The following PEDS1 variants were observed in gnomAD, a reference collection of about 807,000 sequenced individuals.
PEDS1 encodes plasmanylethanolamine desaturase 1.
In PEDS1, 14 loss-of-function variants were observed where a neutral mutation model predicts 35.2. That is an observed-to-expected ratio of 0.40 (90% CI 0.26 to 0.62). The LOEUF (loss-of-function observed/expected upper bound fraction) is 0.62. PEDS1 is among the 20% of genes least tolerant of loss of function. The probability of loss-of-function intolerance (pLI) is 0.44; values close to 1 mark genes in which losing one functional copy is unlikely to be tolerated. For missense variants in PEDS1, 260 were observed against 367.8 expected (o/e 0.71, Z 2.40); for synonymous variants, 152 against 152.0 (o/e 1.00, Z 0.00).
intron 5 of PEDS1, among the ~76,000 whole-genome samples, chr20:50,125,549 T>TATCTATCTATCC (rs1244531394): frequency 7.4e-4 from 12 of 16,234 alleles, no homozygotes; most frequent in African/African-American, 1.7e-3. Context: ...ACCCTTTATC[T>TATCTATCTATCC]ATCTATCTAT....
At chr20:50,146,324 T>C (rs2081345110) in intron 1 of PEDS1, among the ~76,000 whole-genome samples, 5 of 152,118 alleles carry the variant, frequency 3.3e-5, no homozygotes, top group South Asian at 2.1e-4. Flanking sequence ...ACGAGGCCCA[T>C]TGCTCATGCC....
At chr20:50,144,932 GTGGCTCACACCTGTAATCCCAGCACTT>G (rs1420748581) in intron 1 of PEDS1, among the ~76,000 whole-genome samples, 12 of 152,132 alleles carry the variant, frequency 7.9e-5, no homozygotes, top group Non-Finnish European at 1.6e-4. Context: ...GCCATGCATG[GTGGCTCACACCTGTAATCCCAGCACTT>G]TGGGAGGCCG....
At chr20:50,133,643 C>T in intron 2 of PEDS1, among the ~76,000 whole-genome samples, 1 of 152,182 alleles carries the variant, frequency 6.6e-6, no homozygotes, top group Non-Finnish European at 1.5e-5. Context: ...CACAGCACCC[C>T]ACCCCCACTC....
At chr20:50,133,460 G>C (rs770819689) in intron 2 of PEDS1, among the ~76,000 whole-genome samples, 1 of 152,140 alleles carries the variant, frequency 6.6e-6, no homozygotes, top group Non-Finnish European at 1.5e-5. Context: ...AGGTAAAGGG[G>C]TTGGGACTCA....
Position 50,130,156 on chromosome 20 carries a change from A to G in PEDS1, c.334-466T>C, listed in dbSNP as rs1028368088. On this transcript the variant is annotated intron_variant, in intron 3 of 5. Coordinates refer to ENST00000371652, the MANE Select transcript of PEDS1 (RefSeq NM_199129.4). ...GTGACCAGGCCTGGCCAATCATAGC[A>G]TCTCCTCCCTCTAGCCAGTGACTGC... 9.9e-5 allele frequency among the ~76,000 whole-genome samples: 15 copies of G among 152,142 alleles called. No homozygotes were observed. The Middle Eastern group carries it at 0.01, about 103-fold the overall frequency.
intron 2 of PEDS1, among the ~76,000 whole-genome samples, chr20:50,132,351 G>A (rs1220897995): frequency 1.3e-5 from 2 of 152,120 alleles, no homozygotes; most frequent in Non-Finnish European, 2.9e-5. Context: ...TATAGAGGTG[G>A]AAACTGAGGC....
Position 50,118,551 on chromosome 20 carries a change from T to C in PEDS1, c.*6507A>G, listed in dbSNP as rs2081023466. The C allele has an allele frequency of 6.6e-6, 1 of 151,892 alleles. No individual in the cohort carries two copies. Among genetic ancestry groups the C allele is most frequent in the African/African-American group, 2.4e-5 (1 of 41,386 alleles). The allele number at this position is 151,892 out of a possible 1,614,324, so 9.4% of individuals were successfully genotyped here. On this transcript the variant is annotated 3_prime_UTR_variant, in exon 6 of 6. Coordinates refer to ENST00000371652, the MANE Select transcript of PEDS1 (RefSeq NM_199129.4). The stretch of plus-strand genomic sequence containing the variant: ...GAGGAAATGCAAATGCATTTTAAAC[T>C]CACAGTAAGATACCCAATCTCACAA...
In PEDS1 at chr20:50,143,604, A is replaced by T. The variant is rs1601228523; in HGVS notation, c.139T>A (p.Trp47Arg). ...CTGAAGCACAGGATCACAGAGCACC[A>T]CTCCTGGAGGCGCTTGCCTGCAGGG... Reference protein sequence around the residue: ...LYSPGKRLQEWCSVILCFSLI... With the variant: ...LYSPGKRLQERCSVILCFSLI... Residue 47 changes from tryptophan to arginine, a missense_variant, in exon 2 of 6, where the codon TGG (tryptophan) becomes AGG (arginine). By Grantham distance (101) the Trp-to-Arg change is moderately radical. This residue lies in a region of PEDS1 where 114 missense variants were observed against 121.6 expected (regional missense o/e 0.94). Coordinates refer to ENST00000371652, the MANE Select transcript of PEDS1 (RefSeq NM_199129.4). 1 of 1,613,190 alleles carries T rather than the reference A, an allele frequency of 6.2e-7. No individual in the cohort carries two copies. Among genetic ancestry groups the T allele is most frequent in the Non-Finnish European group, 8.5e-7 (1 of 1,179,804 alleles).
intron 1 of PEDS1, among the ~76,000 whole-genome samples, chr20:50,146,144 A>G (rs2081342999): frequency 6.6e-6 from 1 of 152,210 alleles, no homozygotes; most frequent in Non-Finnish European, 1.5e-5. Context: ...GGGCCAGAGC[A>G]GGTGAGAAGG....
intron 2 of PEDS1, among the ~76,000 whole-genome samples, chr20:50,140,313 C>T (rs1449854705): frequency 1.3e-5 from 2 of 152,212 alleles, no homozygotes; most frequent in Non-Finnish European, 2.9e-5. Flanking sequence ...CCTGGCTGTC[C>T]CCACCCCCAG....
At chr20:50,131,236 T>C (rs1481698762) in intron 2 of PEDS1, 3 of 652,048 alleles carry the variant, frequency 4.6e-6, no homozygotes, top group Non-Finnish European at 8.1e-6. Context: ...GAGCAGGCTG[T>C]GCCCTTCTCT....
chr20:50,126,526 C>T (rs1196714505), intron 5 of PEDS1, among the ~76,000 whole-genome samples: 1 of 152,172 alleles, frequency 6.6e-6, no homozygotes, highest in Non-Finnish European at 1.5e-5. Flanking sequence ...TATCAAGTAC[C>T]TACTATATGC....
chr20:50,126,897 T>G (rs1315301946), intron 5 of PEDS1, among the ~76,000 whole-genome samples: 1 of 152,176 alleles, frequency 6.6e-6, no homozygotes, highest in African/African-American at 2.4e-5. Context: ...TGCTCATCTA[T>G]CTTCAGGGCC....
intron 2 of PEDS1, among the ~76,000 whole-genome samples, chr20:50,137,550 T>C (rs942809273): frequency 1.3e-5 from 2 of 152,124 alleles, no homozygotes; most frequent in Non-Finnish European, 2.9e-5. Flanking sequence ...AGGGGCAGCC[T>C]ACAACACACC....
Position 50,153,653 on chromosome 20 carries a change from C to T in PEDS1, c.-16G>A. ...CGCCCGCCATGGCCACTCGCCCGAT[C>T]GGCCCGGTGCGCTCTGCTGGCGGCG... On this transcript the variant is annotated 5_prime_UTR_variant, in exon 1 of 6. Transcript: ENST00000371652. The T allele has an allele frequency of 8.2e-7, 1 of 1,225,812 alleles. No individual in the cohort carries two copies. Among genetic ancestry groups the T allele is most frequent in the Non-Finnish European group, 1.0e-6 (1 of 983,478 alleles). The allele number at this position is 1,225,812 out of a possible 1,614,324, so 75.9% of individuals were successfully genotyped here.
Position 50,151,172 on chromosome 20 carries a change from G to A in PEDS1, c.121+2345C>T, listed in dbSNP as rs1257009584. ...ATAGAAGCAGAGAGGCCAGTGGAAA[G>A]GAAGTTGGAGAAACCAGTTTGGCAA... On this transcript the variant is annotated intron_variant, in intron 1 of 5. Coordinates refer to ENST00000371652, the MANE Select transcript of PEDS1 (RefSeq NM_199129.4). The A allele has an allele frequency of 2.9e-5, 34 of 1,153,204 alleles. 1 individual carries two copies. The Admixed American group carries it at 7.8e-4, about 27-fold the overall frequency. 71.4% of individuals were successfully genotyped at this position (1,153,204 alleles called of 1,614,324 possible).
intron 1 of PEDS1, among the ~76,000 whole-genome samples, chr20:50,149,842 C>A (rs1027431366): frequency 1.3e-5 from 2 of 152,148 alleles, no homozygotes; most frequent in African/African-American, 4.8e-5. Flanking sequence ...ACCTAGCGCA[C>A]CCCCACCCGG....
chr20:50,135,811 G>C lies in PEDS1; in HGVS notation c.242-4864C>G, dbSNP rs934182145. Reference sequence around the variant, plus strand: ...CCTATTCTAGAACTTTATTTAAACGGATTCAGATGGTAGGTGCTCTTTGGA... The same window carrying C: ...CCTATTCTAGAACTTTATTTAAACGCATTCAGATGGTAGGTGCTCTTTGGA... On this transcript the variant is annotated intron_variant, in intron 2 of 5. Coordinates refer to ENST00000371652, the MANE Select transcript of PEDS1 (RefSeq NM_199129.4). Among the ~76,000 whole-genome samples, 7 of 152,228 alleles carry C rather than the reference G, an allele frequency of 4.6e-5. No homozygotes were observed. The East Asian group carries it at 1.4e-3, about 29-fold the overall frequency.
chr20:50,131,577 A>C (rs1022467479), intron 2 of PEDS1, among the ~76,000 whole-genome samples: 4 of 151,844 alleles, frequency 2.6e-5, no homozygotes, highest in African/African-American at 9.7e-5. Context: ...AGCTGAGATC[A>C]CACCACTGCA....
Sources: allele counts gnomAD v4.1 joint callset (sites outside exome capture counted in the v4.1 genomes callset), GRCh38; gene constraint gnomAD v4.1.1; regional missense constraint gnomAD v4.1.1; transcripts MANE v1.5; gene names NCBI Gene and HGNC (gene_info 2026-07-23, HGNC 2026-07-21).